The following PTPRT variants were observed in gnomAD, a reference collection of about 807,000 sequenced individuals.
PTPRT encodes protein tyrosine phosphatase receptor type T.
PTPRT carries 56 observed loss-of-function variants against 176.8 expected under a neutral mutation model. The observed-to-expected ratio is 0.32, with a 90% CI of 0.26 to 0.40. The LOEUF (loss-of-function observed/expected upper bound fraction) is 0.40, where lower values mean the gene tolerates loss of function less well. PTPRT is among the 10% of genes least tolerant of loss of function. The probability of loss-of-function intolerance (pLI) is 1.00; values close to 1 mark genes in which losing one functional copy is unlikely to be tolerated. For synonymous variants in PTPRT, 783 were observed against 739.0 expected, an observed-to-expected ratio of 1.06 and a Z score of -0.96; for missense variants, 1,540 against 1,908.2, an observed-to-expected ratio of 0.81 and a Z score of 3.60.
chr20:42,623,138 T>C (rs770917250), intron 7 of PTPRT, among the ~76,000 whole-genome samples: 6 of 152,236 alleles, frequency 3.9e-5, no homozygotes, highest in Non-Finnish European at 7.3e-5. Context: ...ACATTCACTC[T>C]TTAAGTCCAT....
chr20:43,084,971 A>C (rs748937378), intron 1 of PTPRT, among the ~76,000 whole-genome samples: 1 of 152,228 alleles, frequency 6.6e-6, no homozygotes, highest in Non-Finnish European at 1.5e-5. Context: ...GGTGTTTTAC[A>C]GCTAGTATAA....
At position 42,142,089 on chromosome 20, in the gene PTPRT, C is replaced by A. The variant is rs1174001727; in HGVS notation, c.2683-87G>T. 5.5e-6 allele frequency: 6 copies of A among 1,083,412 alleles called. No homozygotes were observed. In the African/African-American group the frequency reaches 7.7e-5, roughly 14 times the overall value. 67.1% of individuals were successfully genotyped at this position (1,083,412 alleles called of 1,614,324 possible). ...TGAACCAACAGGGCAAAGTAAGACCCACTGCGATGGGACTCCTAGTGGAAA... is the reference window on the plus strand; with the variant it reads ...TGAACCAACAGGGCAAAGTAAGACCAACTGCGATGGGACTCCTAGTGGAAA... On this transcript the variant is annotated intron_variant, in intron 17 of 30. Coordinates refer to ENST00000373187, the MANE Select transcript of PTPRT (RefSeq NM_007050.6).
intron 9 of PTPRT, among the ~76,000 whole-genome samples, chr20:42,407,119 C>A (rs891686232): frequency 6.6e-6 from 1 of 152,136 alleles, no homozygotes. Flanking sequence ...AGACTATGGG[C>A]GTACCAATCA....
chr20:42,578,969 A>T (rs1396954560), intron 7 of PTPRT, among the ~76,000 whole-genome samples: 1 of 149,880 alleles, frequency 6.7e-6, no homozygotes, highest in Non-Finnish European at 1.5e-5. Flanking sequence ...CACGTTTGTT[A>T]CATATGTATA....
At chr20:42,100,329 G>C (rs1985810415) in intron 26 of PTPRT, among the ~76,000 whole-genome samples, 1 of 152,172 alleles carries the variant, frequency 6.6e-6, no homozygotes, top group African/African-American at 2.4e-5. Context: ...CCTTTACCAG[G>C]GGAAACATTA....
the PTPRT span, among the ~76,000 whole-genome samples, chr20:42,039,692 G>GTGTATATATATATATATATATATATATA: frequency 2.7e-4 from 31 of 113,196 alleles, no homozygotes; most frequent in Non-Finnish European, 3.4e-4. Context: ...ATTCTGTTGT[G>GTGTATATATATATATATATATATATATA]TATATATATA....
intron 9 of PTPRT, among the ~76,000 whole-genome samples, chr20:42,408,981 T>C (rs1303143340): frequency 3.3e-5 from 5 of 152,220 alleles, no homozygotes; most frequent in African/African-American, 1.2e-4. Context: ...ATGGGAGGGC[T>C]CTGCCCTCAT....
chr20:42,576,520 C>T (rs570805969), intron 7 of PTPRT, among the ~76,000 whole-genome samples: 6 of 152,258 alleles, frequency 3.9e-5, no homozygotes, highest in Admixed American at 3.3e-4. Flanking sequence ...GGCCATCCTT[C>T]CCCAGAGGCC....
At chr20:42,908,512 A>G (rs2145928727) in intron 1 of PTPRT, among the ~76,000 whole-genome samples, 1 of 152,200 alleles carries the variant, frequency 6.6e-6, no homozygotes, top group African/African-American at 2.4e-5. Context: ...TTCTGGACAT[A>G]TTTTCTGGGA....
intron 17 of PTPRT, among the ~76,000 whole-genome samples, chr20:42,154,398 C>A (rs888463012): frequency 1.3e-5 from 2 of 152,206 alleles, no homozygotes; most frequent in African/African-American, 2.4e-5. Context: ...TGCCTGCCAT[C>A]ACCCCATCAC....
Position 42,710,458 on chromosome 20 carries a change from A to T in PTPRT, c.860-32299T>A, listed in dbSNP as rs192440041. ...CACTGTGGCTCAAAGGGCCCCAGAT[A>T]CAGCTCAGGTTGCCAGCCCAGAGGG... On this transcript the variant is annotated intron_variant, in intron 6 of 30. Transcript: ENST00000373187. Among the ~76,000 whole-genome samples, 61 of 152,364 alleles carry T rather than the reference A, an allele frequency of 4.0e-4. 1 individual carries two copies. Among genetic ancestry groups the T allele is most frequent in the African/African-American group, 1.4e-3 (59 of 41,602 alleles).
intron 1 of PTPRT, among the ~76,000 whole-genome samples, chr20:43,010,812 A>C (rs1156241895): frequency 6.6e-6 from 1 of 152,130 alleles, no homozygotes; most frequent in Non-Finnish European, 1.5e-5. Context: ...TTCACGTATC[A>C]AGGACAGTGT....
intron 2 of PTPRT, among the ~76,000 whole-genome samples, chr20:42,804,601 G>T (rs556841312): frequency 1.8e-4 from 27 of 152,350 alleles, no homozygotes; most frequent in African/African-American, 6.5e-4. Context: ...ACCACAAAGT[G>T]AGTGGCTGAA....
intron 6 of PTPRT, among the ~76,000 whole-genome samples, chr20:42,747,911 T>C (rs2076713447): frequency 6.6e-6 from 1 of 152,218 alleles, no homozygotes; most frequent in South Asian, 2.1e-4. Context: ...TCACTCAGGC[T>C]GCTGCATTGA....
chr20:42,055,164 G>A, the PTPRT span, among the ~76,000 whole-genome samples: 2 of 152,270 alleles, frequency 1.3e-5, no homozygotes, highest in African/African-American at 2.4e-5. Flanking sequence ...TTAACGTGGC[G>A]GTACAGGTGA....
chr20:42,252,833 G>T (rs2146932058), intron 13 of PTPRT, among the ~76,000 whole-genome samples: 1 of 152,364 alleles, frequency 6.6e-6, no homozygotes, highest in South Asian at 2.1e-4. Context: ...AATTCAATGA[G>T]TTCAGCCAAC....
chr20:42,048,250 G>A, the PTPRT span, among the ~76,000 whole-genome samples: 1 of 152,158 alleles, frequency 6.6e-6, no homozygotes, highest in East Asian at 1.9e-4. Flanking sequence ...ATGGGGAAAG[G>A]TCCCAGATGC....
At chr20:42,831,108 A>G (rs1249704118) in intron 2 of PTPRT, among the ~76,000 whole-genome samples, 1 of 152,218 alleles carries the variant, frequency 6.6e-6, no homozygotes, top group African/African-American at 2.4e-5. Context: ...TGGAGGTATC[A>G]TATTAGCTGC....
intron 17 of PTPRT, among the ~76,000 whole-genome samples, chr20:42,155,773 C>T (rs920837789): frequency 6.6e-6 from 1 of 152,090 alleles, no homozygotes; most frequent in African/African-American, 2.4e-5. Flanking sequence ...GGGCTCTGGG[C>T]CCAGTCTCCT....
Sources: allele counts gnomAD v4.1 joint callset (sites outside exome capture counted in the v4.1 genomes callset), GRCh38; gene constraint gnomAD v4.1.1; transcripts MANE v1.5; gene names NCBI Gene and HGNC (gene_info 2026-07-23, HGNC 2026-07-21).